Variants in SKIDA1 observed in about 807,000 individuals in gnomAD.
The protein encoded by SKIDA1 is SKI/DACH domain-containing protein 1.
In SKIDA1, 18 loss-of-function variants were observed where a neutral mutation model predicts 51.4. The observed-to-expected ratio is 0.35, with a 90% CI of 0.24 to 0.52. The LOEUF (loss-of-function observed/expected upper bound fraction) is 0.52. Among genes scored for constraint, SKIDA1 ranks in the 20% least tolerant of loss-of-function variants. SKIDA1 has a pLI of 0.95. For missense variants in SKIDA1, 1,104 were observed against 1,180.6 expected, an observed-to-expected ratio of 0.94 and a Z score of 0.95; for synonymous variants, 579 against 500.5, an observed-to-expected ratio of 1.16 and a Z score of -2.09.
At position 21,519,197 on chromosome 10, in the gene SKIDA1, C is replaced by G. The variant is rs888335065; in HGVS notation, c.-1375G>C. On this transcript the variant is annotated 5_prime_UTR_variant, in exon 4 of 4. Coordinates refer to ENST00000449193, the MANE Select transcript of SKIDA1 (RefSeq NM_207371.4). ...GCAGCAAAGAAAAGAAACTGTCAAA[C>G]GCCCAAGGTGCTTCCAGAGGTTTTA... The G allele has an allele frequency of 3.0e-5, 5 of 167,054 alleles. No individual in the cohort carries two copies. Among genetic ancestry groups the G allele is most frequent in the African/African-American group, 1.2e-4 (5 of 41,416 alleles). 10.3% of individuals were successfully genotyped at this position (167,054 alleles called of 1,614,324 possible).
Position 21,516,911 on chromosome 10 carries a change from C to A in SKIDA1, c.912G>T (p.Ala304=). The change falls in exon 4 of 4, where the codon GCG becomes GCT. Residue 304 remains alanine (A), a synonymous_variant. Coordinates refer to ENST00000449193, the MANE Select transcript of SKIDA1 (RefSeq NM_207371.4). This position sits in a 1 kb window ranked among gnomAD's most constrained non-coding sequence, Gnocchi z 5.7. ...CCGCTGCCGCCGCCGCCGCCGCCGC[C>A]GCCGCCTTGGCTTTGTAGGACCTGG... ...LLPRSYKAKA[A]AAAAAAAAAA... 8.3e-7 allele frequency: 1 copy of A among 1,200,388 alleles called. No individual in the cohort carries two copies. 74.4% of individuals were successfully genotyped at this position (1,200,388 alleles called of 1,614,324 possible). A position where few individuals can be genotyped will look rare whatever the true frequency, so the allele number is the denominator to read the frequency against.
rs931052187 is a variant in SKIDA1, at chr10:21,516,055, G to A, written c.1768C>T (p.Pro590Ser). ...GCCTCTCGGAGTATTCTTTGTTGTG[G>A]AAATGCATTGTTTGTCTTTGGGCTA... ...SPSPKTNNAF[P>S]QQRILREARK... Residue 590 changes from proline to serine, a missense_variant, in exon 4 of 4, where the codon CCA becomes TCA. Physicochemically the swap from Pro to Ser is moderately conservative, Grantham distance 74. Around this residue, in one of 3 missense-constraint regions of SKIDA1, gnomAD observed 938 missense variants for 886.4 expected, o/e 1.06. Transcript: ENST00000449193. The surrounding 1 kb of genome is among the most constrained non-coding windows in gnomAD (Gnocchi z 5.7). 5.0e-6 allele frequency: 8 copies of A among 1,613,936 alleles called. No homozygotes were observed. The highest frequency in any genetic ancestry group is 1.7e-6 in the Non-Finnish European group (2 of 1,179,914).
At position 21,515,493 on chromosome 10, in the gene SKIDA1, A is replaced by G. The variant is rs1178773125; in HGVS notation, c.2330T>C (p.Val777Ala). ...EDGEYKFGAR[V>A]RKNYRTLVLG... ...TACTAGTGTCCGGTAATTTTTTCTC[A>G]CCCTGGCACCAAATTTATATTCCCC... Residue 777 changes from valine (V) to alanine (A), a missense_variant, in exon 4 of 4, where the codon GTG becomes GCG. Val to Ala is a moderately conservative substitution (Grantham distance 64, BLOSUM62 0). Around this residue, in one of 3 missense-constraint regions of SKIDA1, gnomAD observed 112 missense variants for 168.3 expected, o/e 0.67. Transcript: ENST00000449193. 6.2e-7 allele frequency: 1 copy of G among 1,613,740 alleles called. No individual in the cohort carries two copies. The highest frequency in any genetic ancestry group is 1.3e-5 in the African/African-American group (1 of 74,862).
Position 21,516,869 on chromosome 10 carries a change from C to T in SKIDA1, c.954G>A (p.Ala318=). 4 of 1,303,606 alleles carry T rather than the reference C, an allele frequency of 3.1e-6. No individual in the cohort carries two copies. The highest frequency in any genetic ancestry group is 3.9e-6 in the Non-Finnish European group (4 of 1,031,466). 80.8% of individuals were successfully genotyped at this position (1,303,606 alleles called of 1,614,324 possible). A position where few individuals can be genotyped will look rare whatever the true frequency, so the allele number is the denominator to read the frequency against. Reference sequence around the variant, plus strand: ...GAAACCTCTCCAGGCAAGTGGCCCCCGCGGCGGCCGCCGCCGCCGCTGCCG... The same window carrying T: ...GAAACCTCTCCAGGCAAGTGGCCCCTGCGGCGGCCGCCGCCGCCGCTGCCG... ...AAAAAAAAAA[A]GATCLERFHL... is the part of the protein sequence containing the mutation. Residue 318 remains alanine, a synonymous_variant, in exon 4 of 4, where the codon GCG becomes GCA. Transcript: ENST00000449193. The surrounding 1 kb of genome is among the most constrained non-coding windows in gnomAD (Gnocchi z 5.7).
Position 21,517,162 on chromosome 10 carries a change from T to C in SKIDA1, c.661A>G (p.Lys221Glu). The C allele has an allele frequency of 7.4e-7, 1 of 1,344,942 alleles. No homozygotes were observed. The highest frequency in any genetic ancestry group is 1.6e-5 in the African/African-American group (1 of 63,790). The allele number at this position is 1,344,942 out of a possible 1,614,324, so 83.3% of individuals were successfully genotyped here. A position where few individuals can be genotyped will look rare whatever the true frequency, so the allele number is the denominator to read the frequency against. Residue 221 changes from lysine to glutamate, a missense_variant, in exon 4 of 4, where the codon AAA becomes GAA. Lys to Glu is a moderately conservative substitution (Grantham distance 56). This residue lies in a region of SKIDA1 where 938 missense variants were observed against 886.4 expected (regional missense o/e 1.06). Transcript: ENST00000449193. This position sits in a 1 kb window ranked among gnomAD's most constrained non-coding sequence, Gnocchi z 6.9. The part of the protein sequence containing the change: ...PAYFRSLLCS[K>E]HPAAAAAAAA... ...GCGGCGGCGGCGGCTGCCGGGTGTT[T>C]GCTGCACAGCAGGCTCCGAAAATAA...
chr10:21,520,232 C>G (rs1035417567), intron 3 of SKIDA1, among the ~76,000 whole-genome samples: 1 of 152,094 alleles, frequency 6.6e-6, no homozygotes, highest in East Asian at 1.9e-4. Flanking sequence ...CAGCTAATAC[C>G]ATCCAGCGAG....
rs1486163820 is a variant in SKIDA1, at chr10:21,516,640, CGTTGGCCGCGTGGTCCGAGTA to C, written c.1162_1182del (p.Tyr388_Asn394del). ...GACAAACTGGAGCCAAAATCCGAGT[CGTTGGCCGCGTGGTCCGAGTA>C]GGAGCTGGACTCGGAGTCGCTGCTG... On this transcript the variant is annotated inframe_deletion, in exon 4 of 4. Coordinates refer to ENST00000449193, the MANE Select transcript of SKIDA1 (RefSeq NM_207371.4). The surrounding 1 kb of genome is among the most constrained non-coding windows in gnomAD (Gnocchi z 5.7). 1.9e-6 allele frequency: 3 copies of C among 1,551,668 alleles called. No homozygotes were observed. Among genetic ancestry groups the C allele is most frequent in the Non-Finnish European group, 1.7e-6 (2 of 1,147,020 alleles).
chr10:21,514,593 A>T lies in SKIDA1; in HGVS notation c.*503T>A, dbSNP rs1022138467. The T allele has an allele frequency of 6.6e-6, 1 of 152,658 alleles. No individual in the cohort carries two copies. Among genetic ancestry groups the T allele is most frequent in the African/African-American group, 2.4e-5 (1 of 41,394 alleles). The allele number at this position is 152,658 out of a possible 1,614,324, so 9.5% of individuals were successfully genotyped here. On this transcript the variant is annotated 3_prime_UTR_variant, in exon 4 of 4. Transcript: ENST00000449193. ...ACAAACAAGAGCTCCAGAAAATAAC[A>T]TTTTGGGCTCACAGAAACTTCTTGC...
Position 21,518,453 on chromosome 10 carries a change from A to G in SKIDA1, c.-631T>C, listed in dbSNP as rs1323010199. The G allele has an allele frequency of 6.0e-6, 1 of 166,830 alleles. No individual in the cohort carries two copies. Among genetic ancestry groups the G allele is most frequent in the African/African-American group, 2.4e-5 (1 of 41,362 alleles). The allele number at this position is 166,830 out of a possible 1,614,324, so 10.3% of individuals were successfully genotyped here. The stretch of plus-strand genomic sequence containing the variant: ...TCCCAAAGTAAATAATACAGTCGGT[A>G]TATAAATCTTTCCATTAAACTATCG... On this transcript the variant is annotated 5_prime_UTR_variant, in exon 4 of 4. Transcript: ENST00000449193.
intron 2 of SKIDA1, among the ~76,000 whole-genome samples, chr10:21,522,823 G>T (rs2032447551): frequency 6.6e-6 from 1 of 152,156 alleles, no homozygotes; most frequent in African/African-American, 2.4e-5. Context: ...AAAATGCAGT[G>T]ACCTTCTACC....
rs1397936943 is a variant in SKIDA1 at position 21,519,098 on chromosome 10, A to T, written c.-1276T>A. On this transcript the variant is annotated 5_prime_UTR_variant, in exon 4 of 4. Transcript: ENST00000449193. ...TGGATTGGAGGCGGGATCGTCCAAG[A>T]GTCCCCAGCAAAGCCTTTGCCAGGG... is the stretch of plus-strand genomic sequence containing the variant. 1.2e-5 allele frequency: 2 copies of T among 167,202 alleles called. No homozygotes were observed. Among genetic ancestry groups the T allele is most frequent in the East Asian group, 3.8e-4 (2 of 5,196 alleles). The allele number at this position is 167,202 out of a possible 1,614,324, so 10.4% of individuals were successfully genotyped here.
rs368940181 is a variant in SKIDA1, at chr10:21,515,147, A to G, written c.2676T>C (p.Gly892=). Residue 892 remains glycine (G), a synonymous_variant, in exon 4 of 4, where the codon GGT becomes GGC. Transcript: ENST00000449193. The stretch of plus-strand genomic sequence containing the variant: ...GACTAGGTGGAAGAGGTATTGCAGA[A>G]CCGCCCAGCTGCCATTTCCATATAG... ...AHPIWKWQLG[G]SAIPLPPSHK... The G allele has an allele frequency of 3.7e-6, 6 of 1,613,578 alleles. No homozygotes were observed. The highest frequency in any genetic ancestry group is 5.1e-6 in the Non-Finnish European group (6 of 1,179,782).
intron 2 of SKIDA1, 35 bp from the exon 3 acceptor site, chr10:21,521,515 A>T (rs2032394186): frequency 6.6e-6 from 1 of 152,580 alleles, no homozygotes; most frequent in African/African-American, 2.4e-5. Flanking sequence ...CAGATAATGG[A>T]CTGTATTCAA....
rs2032230905 is a variant in SKIDA1, at chr10:21,516,863, G to T, written c.960C>A (p.Ala320=). Reference sequence around the variant, plus strand: ...CCAGATGAAACCTCTCCAGGCAAGTGGCCCCCGCGGCGGCCGCCGCCGCCG... The same window carrying T: ...CCAGATGAAACCTCTCCAGGCAAGTTGCCCCCGCGGCGGCCGCCGCCGCCG... ...AAAAAAAAAG[A]TCLERFHLVN... The change falls in exon 4 of 4, where the codon GCC becomes GCA. Residue 320 remains alanine, a synonymous_variant. Coordinates refer to ENST00000449193, the MANE Select transcript of SKIDA1 (RefSeq NM_207371.4). This position sits in a 1 kb window ranked among gnomAD's most constrained non-coding sequence, Gnocchi z 5.7. 9.9e-6 allele frequency: 13 copies of T among 1,318,808 alleles called. No homozygotes were observed. The highest frequency in any genetic ancestry group is 1.3e-5 in the Non-Finnish European group (13 of 1,038,880). 81.7% of individuals were successfully genotyped at this position (1,318,808 alleles called of 1,614,324 possible). A position where few individuals can be genotyped will look rare whatever the true frequency, so the allele number is the denominator to read the frequency against.
chr10:21,522,833 C>T (rs955568077), intron 2 of SKIDA1, among the ~76,000 whole-genome samples: 1 of 152,130 alleles, frequency 6.6e-6, no homozygotes, highest in South Asian at 2.1e-4. Flanking sequence ...GACCTTCTAC[C>T]CTTTTTTTGC....
At position 21,516,888 on chromosome 10, in the gene SKIDA1, G is replaced by C. The variant is rs1216099184; in HGVS notation, c.935C>G (p.Ala312Gly). The change falls in exon 4 of 4, where the codon GCG (alanine) becomes GGG (glycine). Residue 312 changes from alanine to glycine, a missense_variant. Physicochemically the swap from Ala to Gly is moderately conservative, Grantham distance 60. Coordinates refer to ENST00000449193, the MANE Select transcript of SKIDA1 (RefSeq NM_207371.4). This position sits in a 1 kb window ranked among gnomAD's most constrained non-coding sequence, Gnocchi z 5.7. ...GGCCCCCGCGGCGGCCGCCGCCGCC[G>C]CTGCCGCCGCCGCCGCCGCCGCCGC... ...KAAAAAAAAA[A>G]AAAAAAGATC... 1 of 1,272,284 alleles carries C rather than the reference G, an allele frequency of 7.9e-7. No individual in the cohort carries two copies. The highest frequency in any genetic ancestry group is 3.1e-5 in the East Asian group (1 of 31,920). The allele number at this position is 1,272,284 out of a possible 1,614,324, so 78.8% of individuals were successfully genotyped here. A position where few individuals can be genotyped will look rare whatever the true frequency, so the allele number is the denominator to read the frequency against.
chr10:21,523,602 G>A (rs1361213789), intron 2 of SKIDA1, 81 bp downstream of exon 2: 3 of 152,082 alleles, frequency 2.0e-5, no homozygotes, highest in Non-Finnish European at 4.4e-5. Context: ...AATTTGTTAG[G>A]GTTGCCCAAG....
rs1158316298 is a variant in SKIDA1, at chr10:21,517,263, G to A, written c.560C>T (p.Ser187Leu). The change falls in exon 4 of 4, where the codon TCG becomes TTG. Residue 187 changes from serine (S) to leucine (L), a missense_variant. Ser to Leu is a moderately radical substitution (Grantham distance 145). Coordinates refer to ENST00000449193, the MANE Select transcript of SKIDA1 (RefSeq NM_207371.4). This position sits in a 1 kb window ranked among gnomAD's most constrained non-coding sequence, Gnocchi z 6.9. ...PGSHYPEIVR[S>L]PCKPPLNYET... ...ATAGTTTAGAGGGGGTTTGCACGGC[G>A]AGCGCACGATCTCCGGGTAGTGCGA... The A allele has an allele frequency of 6.8e-6, 10 of 1,473,914 alleles. No homozygotes were observed. Among genetic ancestry groups the A allele is most frequent in the East Asian group, 3.0e-5 (1 of 32,912 alleles). 91.3% of individuals were successfully genotyped at this position (1,473,914 alleles called of 1,614,324 possible).
chr10:21,516,930 G>C lies in SKIDA1; in HGVS notation c.893C>G (p.Ser298Cys). 8.4e-7 allele frequency: 1 copy of C among 1,194,574 alleles called. No individual in the cohort carries two copies. The highest frequency in any genetic ancestry group is 1.0e-6 in the Non-Finnish European group (1 of 962,444). 74.0% of individuals were successfully genotyped at this position (1,194,574 alleles called of 1,614,324 possible). Reference sequence around the variant, plus strand: ...CGCCGCCGCCGCCTTGGCTTTGTAGGACCTGGGCAACAGCAGCAGGCGCCG... The same window carrying C: ...CGCCGCCGCCGCCTTGGCTTTGTAGCACCTGGGCAACAGCAGCAGGCGCCG... Reference protein sequence around the residue: ...GARRLLLLPRSYKAKAAAAAA... With the variant: ...GARRLLLLPRCYKAKAAAAAA... The change falls in exon 4 of 4, where the codon TCC becomes TGC. Residue 298 changes from serine to cysteine, a missense_variant. Transcript: ENST00000449193. This position sits in a 1 kb window ranked among gnomAD's most constrained non-coding sequence, Gnocchi z 5.7.
Sources: allele counts gnomAD v4.1 joint callset (sites outside exome capture counted in the v4.1 genomes callset), GRCh38; gene constraint gnomAD v4.1.1; regional missense constraint gnomAD v4.1.1; non-coding constraint Gnocchi (gnomAD v3.1); transcripts MANE v1.5; gene names NCBI Gene and HGNC (gene_info 2026-07-23, HGNC 2026-07-21).